The following SLIT1 variants were observed in gnomAD, a reference collection of about 807,000 sequenced individuals.
SLIT1 encodes slit guidance ligand 1.
A neutral mutation model predicts 186.1 loss-of-function variants in SLIT1; 66 were observed. That is an observed-to-expected ratio of 0.35 (90% confidence interval 0.29 to 0.44). SLIT1 has a LOEUF of 0.44. Ranked by LOEUF, SLIT1 falls within the 20% of genes least tolerant of loss-of-function variation. SLIT1 has a pLI of 1.00. For synonymous variants in SLIT1, 761 were observed against 833.8 expected (o/e 0.91, Z 1.50); for missense variants, 1,638 against 2,037.4 (o/e 0.80, Z 3.77).
intron 4 of SLIT1, among the ~76,000 whole-genome samples, chr10:97,074,497 C>A (rs1849028005): frequency 1.3e-5 from 2 of 152,326 alleles, no homozygotes; most frequent in South Asian, 4.1e-4. Context: ...CACGAGCAAG[C>A]ACTTGTTATT....
Position 97,047,061 on chromosome 10 carries a change from A to G in SLIT1, c.1639T>C (p.Leu547=), listed in dbSNP as rs1848740949. The G allele has an allele frequency of 6.2e-7, 1 of 1,603,180 alleles. No homozygotes were observed. The highest frequency in any genetic ancestry group is 1.1e-5 in the South Asian group (1 of 90,812). ...AGGATGGAAATCTCATTGTTATTCAATCGCCTGTAAGAGACAAGAATGAAC... is the reference window on the plus strand; with the variant it reads ...AGGATGGAAATCTCATTGTTATTCAGTCGCCTGTAAGAGACAAGAATGAAC... The part of the protein sequence containing the change: ...RIPQSTAELR[L]NNNEISILEA... The change falls in exon 17 of 37, where the codon TTG becomes CTG. Residue 547 remains leucine (L), a synonymous_variant. Coordinates refer to ENST00000266058, the MANE Select transcript of SLIT1 (RefSeq NM_003061.3).
chr10:97,040,662 C>T (rs947048172), intron 20 of SLIT1, among the ~76,000 whole-genome samples: 8 of 152,250 alleles, frequency 5.3e-5, no homozygotes, highest in South Asian at 2.1e-4. Context: ...GGTCTGGAGA[C>T]GTTAGGCACC....
intron 4 of SLIT1, among the ~76,000 whole-genome samples, chr10:97,120,224 G>A (rs1327717703): frequency 6.6e-6 from 1 of 151,932 alleles, no homozygotes; most frequent in Non-Finnish European, 1.5e-5. Context: ...AGTGTGCCAG[G>A]CCCGCTCCCC....
At chr10:97,048,052 C>T in intron 14 of SLIT1, 56 bp from the exon 15 acceptor site, 1 of 1,592,762 alleles carries the variant, frequency 6.3e-7, no homozygotes, top group Non-Finnish European at 8.6e-7. Flanking sequence ...CCTGCAGTAA[C>T]AGCCCAGGCC....
rs372375209 is a variant in SLIT1 at position 97,129,791 on chromosome 10, G to A, written c.413+28027C>T. Among the ~76,000 whole-genome samples the A allele has an allele frequency of 1.1e-3, 170 of 152,316 alleles. 1 individual carries two copies. The highest frequency in any genetic ancestry group is 3.8e-3 in the African/African-American group (158 of 41,578). ...CTCACCATCGGGTACCGGGCATGGA[G>A]TGAAAACAATGTGGACACAGCCCTG... On this transcript the variant is annotated intron_variant, in intron 4 of 36. Transcript: ENST00000266058.
chr10:97,038,076 C>G (rs1436973881), intron 21 of SLIT1, among the ~76,000 whole-genome samples: 1 of 152,144 alleles, frequency 6.6e-6, no homozygotes, highest in Admixed American at 6.5e-5. Flanking sequence ...CCCCTGCCTT[C>G]CCCTCCCTGC....
intron 10 of SLIT1, 132 bp downstream of exon 10, chr10:97,059,955 G>T: frequency 1.3e-6 from 1 of 781,120 alleles, no homozygotes. Flanking sequence ...TGAAGGGCAG[G>T]AAGGTCAGGT....
chr10:97,051,896 C>T (rs1002151627), intron 13 of SLIT1, among the ~76,000 whole-genome samples: 2 of 151,902 alleles, frequency 1.3e-5, no homozygotes, highest in Non-Finnish European at 2.9e-5. Context: ...TCATAATGTC[C>T]CCAAAGTGGA....
intron 4 of SLIT1, chr10:97,154,086 A>G (rs1191981839): frequency 6.6e-6 from 1 of 152,246 alleles, no homozygotes; most frequent in Non-Finnish European, 1.5e-5. Flanking sequence ...GATACTTTAG[A>G]ATGCCAGGTG....
chr10:97,109,743 TG>T (rs1327214893), intron 4 of SLIT1, among the ~76,000 whole-genome samples: 1 of 152,188 alleles, frequency 6.6e-6, no homozygotes, highest in African/African-American at 2.4e-5. Context: ...ACAGCTTTTG[TG>T]CCTGATCAGT....
At chr10:97,044,470 A>C (rs1475129391) in intron 18 of SLIT1, among the ~76,000 whole-genome samples, 1 of 152,158 alleles carries the variant, frequency 6.6e-6, no homozygotes, top group Non-Finnish European at 1.5e-5. Context: ...AAAAACAAAA[A>C]CCAAGTCAAC....
chr10:97,171,869 G>T (rs1850193966), intron 1 of SLIT1, among the ~76,000 whole-genome samples: 1 of 151,498 alleles, frequency 6.6e-6, no homozygotes, highest in Non-Finnish European at 1.5e-5. Flanking sequence ...CGAGTGGCCT[G>T]CTCTGTGTCC....
rs763920890 is a variant in SLIT1 at position 97,004,031 on chromosome 10, G to A, written c.3865+37C>T. 7 of 1,573,614 alleles carry A rather than the reference G, an allele frequency of 4.4e-6. No individual in the cohort carries two copies. The highest frequency in any genetic ancestry group is 2.3e-5 in the East Asian group (1 of 44,210). ...AGCTCTCCTGGCTGGCCTCAGGCCA[G>A]ACAGCAAAAGAGGCCCCGCCAGGGC... On this transcript the variant is annotated intron_variant, in intron 34 of 36. Coordinates refer to ENST00000266058, the MANE Select transcript of SLIT1 (RefSeq NM_003061.3). The surrounding 1 kb of genome is among the most constrained non-coding windows in gnomAD (Gnocchi z 5.1).
Position 97,030,611 on chromosome 10 carries a change from T to A in SLIT1, c.2582+146A>T, listed in dbSNP as rs1848582410. ...TGATGAACCACTGGACATATAAGAG[T>A]CCCAGAAGGTGCACGTGGGAAGTTC... is the stretch of plus-strand genomic sequence containing the variant. On this transcript the variant is annotated intron_variant, in intron 25 of 36. Coordinates refer to ENST00000266058, the MANE Select transcript of SLIT1 (RefSeq NM_003061.3). The A allele has an allele frequency of 9.0e-6, 6 of 665,526 alleles. No homozygotes were observed. In the East Asian group the frequency reaches 1.7e-4, roughly 18 times the overall value. 41.2% of individuals were successfully genotyped at this position (665,526 alleles called of 1,614,324 possible).
chr10:97,128,366 C>A (rs1376124643), intron 4 of SLIT1, among the ~76,000 whole-genome samples: 1 of 152,188 alleles, frequency 6.6e-6, no homozygotes, highest in Non-Finnish European at 1.5e-5. Flanking sequence ...TGTCTCCTGG[C>A]ACGATGCCCC....
chr10:97,166,569 GAGAAAGAA>G (rs1554854785), intron 1 of SLIT1, among the ~76,000 whole-genome samples: 8 of 58,912 alleles, frequency 1.4e-4, no homozygotes, highest in African/African-American at 5.6e-4. Flanking sequence ...GAGAGAGAGA[GAGAAAGAA>G]AGAAAGAAAG....
chr10:97,148,273 T>C (rs533863912), intron 4 of SLIT1, among the ~76,000 whole-genome samples: 2 of 152,040 alleles, frequency 1.3e-5, no homozygotes, highest in Admixed American at 6.6e-5. Flanking sequence ...TAATTACATA[T>C]TGCTTTAGTA....
chr10:97,151,970 G>A (rs1849885254), intron 4 of SLIT1, among the ~76,000 whole-genome samples: 1 of 152,164 alleles, frequency 6.6e-6, no homozygotes, highest in African/African-American at 2.4e-5. Flanking sequence ...GAAGAGGTGT[G>A]AGTGCTGCTC....
Position 97,001,151 on chromosome 10 carries a change from C to T in SLIT1, c.4566G>A (p.Val1522=), listed in dbSNP as rs1564650409. The change falls in exon 37 of 37, where the codon GTG becomes GTA. Residue 1522 remains valine (V), a synonymous_variant. Transcript: ENST00000266058. ...CSDGTSFAEE[V]EKPTKCGCAL... Reference sequence around the variant, plus strand: ...CACAGCCACACTTGGTGGGCTTTTCCACCTCCTCGGCAAAAGAGGTCCCAT... The same window carrying T: ...CACAGCCACACTTGGTGGGCTTTTCTACCTCCTCGGCAAAAGAGGTCCCAT... 2 of 1,613,098 alleles carry T rather than the reference C, an allele frequency of 1.2e-6. No individual in the cohort carries two copies. The highest frequency in any genetic ancestry group is 1.7e-5 in the Admixed American group (1 of 60,016).
Sources: allele counts gnomAD v4.1 joint callset (sites outside exome capture counted in the v4.1 genomes callset), GRCh38; gene constraint gnomAD v4.1.1; non-coding constraint Gnocchi (gnomAD v3.1); transcripts MANE v1.5; gene names NCBI Gene and HGNC (gene_info 2026-07-23, HGNC 2026-07-21).